Variants in ANKRD28 observed in about 807,000 individuals in gnomAD.
ANKRD28 encodes serine/threonine-protein phosphatase 6 regulatory ankyrin repeat subunit A.
ANKRD28 carries 44 observed loss-of-function variants against 126.5 expected under a neutral mutation model. The observed-to-expected ratio is 0.35, with a 90% CI of 0.27 to 0.45. The LOEUF (loss-of-function observed/expected upper bound fraction) is 0.45, where lower values mean the gene tolerates loss of function less well. Among genes scored for constraint, ANKRD28 ranks in the 20% least tolerant of loss-of-function variants. The probability of loss-of-function intolerance (pLI) is 1.00; values close to 1 mark genes in which losing one functional copy is unlikely to be tolerated. For synonymous variants in ANKRD28, 442 were observed against 468.5 expected (o/e 0.94, Z 0.73); for missense variants, 1,110 against 1,316.6 (o/e 0.84, Z 2.43).
rs1249947103 is a variant in ANKRD28, at chr3:15,797,951, T to G, written c.-1430A>C. The G allele has an allele frequency of 4.1e-6, 4 of 985,184 alleles. No individual in the cohort carries two copies. The highest frequency in any genetic ancestry group is 4.8e-6 in the Non-Finnish European group (4 of 829,894). 61.0% of individuals were successfully genotyped at this position (985,184 alleles called of 1,614,324 possible). A position where few individuals can be genotyped will look rare whatever the true frequency, so the allele number is the denominator to read the frequency against. Reference sequence around the variant, plus strand: ...ACCCACAGGATGAAATGCCTAGTAATGCTCACATGTTACACTTACCAGAGA... The same window carrying G: ...ACCCACAGGATGAAATGCCTAGTAAGGCTCACATGTTACACTTACCAGAGA... On this transcript the variant is annotated 5_prime_UTR_variant, in exon 1 of 28. Coordinates refer to ENST00000683139, the MANE Select transcript of ANKRD28 (RefSeq NM_001349278.2).
chr3:15,723,434 T>C (rs765610733), intron 7 of ANKRD28, among the ~76,000 whole-genome samples: 1 of 152,150 alleles, frequency 6.6e-6, no homozygotes, highest in Non-Finnish European at 1.5e-5. Context: ...AACCAATGAG[T>C]TCTTCAAAAT....
At chr3:15,690,527 A>G (rs2068649402) in intron 17 of ANKRD28, among the ~76,000 whole-genome samples, 1 of 152,176 alleles carries the variant, frequency 6.6e-6, no homozygotes. Flanking sequence ...GGATTCATTT[A>G]AAGTCTTGAT....
chr3:15,724,386 A>C lies in ANKRD28; in HGVS notation c.779T>G (p.Val260Gly). 6.2e-7 allele frequency: 1 copy of C among 1,604,006 alleles called. No homozygotes were observed. The highest frequency in any genetic ancestry group is 1.7e-4 in the Middle Eastern group (1 of 6,042). ...SVVKYLLDLG[V>G]DMNEPNAYGN... ...CTGTTCAATTAATATACCTACATCA[A>C]CTCCAAGATCTAGAAGGTACTTGAC... The change falls in exon 7 of 28, where the codon GTT (valine) becomes GGT (glycine). Residue 260 changes from valine to glycine, a missense_variant. Physicochemically the swap from Val to Gly is moderately radical, Grantham distance 109 (BLOSUM62 -3). Coordinates refer to ENST00000683139, the MANE Select transcript of ANKRD28 (RefSeq NM_001349278.2).
Position 15,792,449 on chromosome 3 carries a change from C to T in ANKRD28, c.201+2774G>A, listed in dbSNP as rs367940165. Among the ~76,000 whole-genome samples the T allele has an allele frequency of 2.3e-4, 35 of 152,160 alleles. 1 individual carries two copies. The highest frequency in any genetic ancestry group is 2.1e-3 in the East Asian group (11 of 5,174). ...TAGAATTGGAGATCATTATGTTAACCGAAATAAGGCAGGCACAGAAAAACA... is the reference window on the plus strand; with the variant it reads ...TAGAATTGGAGATCATTATGTTAACTGAAATAAGGCAGGCACAGAAAAACA... On this transcript the variant is annotated intron_variant, in intron 2 of 27. Coordinates refer to ENST00000683139, the MANE Select transcript of ANKRD28 (RefSeq NM_001349278.2).
chr3:15,754,203 C>T (rs1324943930), intron 3 of ANKRD28, among the ~76,000 whole-genome samples: 25 of 152,158 alleles, frequency 1.6e-4, no homozygotes, highest in Non-Finnish European at 1.3e-4. Context: ...TTTTAAATTG[C>T]TCACTGTTCT....
At chr3:15,716,744 G>T (rs1424174030) in intron 8 of ANKRD28, among the ~76,000 whole-genome samples, 1 of 152,126 alleles carries the variant, frequency 6.6e-6, no homozygotes, top group East Asian at 1.9e-4. Flanking sequence ...ATGAAATTTG[G>T]AAGATATAAC....
In ANKRD28 at chr3:15,670,375, C is replaced by T. The variant is rs2066218998; in HGVS notation, c.3147G>A (p.Arg1049=). ...TVSFEALPIM[R]NEPSSYCSFN... Reference sequence around the variant, plus strand: ...AACTGCAATAGGAGCTAGGTTCATTCCTCATGATGGGCAAAGCTTCAAAGC... The same window carrying T: ...AACTGCAATAGGAGCTAGGTTCATTTCTCATGATGGGCAAAGCTTCAAAGC... Residue 1049 remains arginine (R), a synonymous_variant, in exon 28 of 28, where the codon AGG becomes AGA. Transcript: ENST00000683139. The T allele has an allele frequency of 6.2e-7, 1 of 1,613,776 alleles. No individual in the cohort carries two copies. Among genetic ancestry groups the T allele is most frequent in the Admixed American group, 1.7e-5 (1 of 60,010 alleles).
Position 15,708,586 on chromosome 3 carries a change from G to C in ANKRD28, c.1407-522C>G, listed in dbSNP as rs147682804. Among the ~76,000 whole-genome samples, 620 of 152,168 alleles carry C rather than the reference G, an allele frequency of 4.1e-3. 2 individuals are homozygous for C. Among genetic ancestry groups the C allele is most frequent in the East Asian group, 0.023 (118 of 5,186 alleles). ...AGCCCTCTCTGTTATTTGTAGTATA[G>C]AATGCCTGAAGTACTAAAAATTAAT... On this transcript the variant is annotated intron_variant, in intron 13 of 27. Coordinates refer to ENST00000683139, the MANE Select transcript of ANKRD28 (RefSeq NM_001349278.2).
intron 5 of ANKRD28, among the ~76,000 whole-genome samples, chr3:15,735,732 T>A (rs1211445546): frequency 1.3e-5 from 2 of 152,206 alleles, no homozygotes; most frequent in Admixed American, 1.3e-4. Context: ...AGGATGCCAC[T>A]TTGTGCCTTG....
chr3:15,765,316 A>G (rs920223229), intron 3 of ANKRD28, among the ~76,000 whole-genome samples: 1 of 152,184 alleles, frequency 6.6e-6, no homozygotes, highest in Non-Finnish European at 1.5e-5. Flanking sequence ...AAAATAATAA[A>G]GGAGTATAAT....
upstream of ANKRD28, among the ~76,000 whole-genome samples, chr3:15,800,277 T>C (rs1193541786): frequency 6.6e-6 from 1 of 152,128 alleles, no homozygotes; most frequent in African/African-American, 2.4e-5. Flanking sequence ...TGTAGGCTAT[T>C]TTGTGGTCAA....
chr3:15,763,292 T>A (rs968283914), intron 3 of ANKRD28, among the ~76,000 whole-genome samples: 11 of 152,154 alleles, frequency 7.2e-5, no homozygotes, highest in African/African-American at 2.4e-4. Context: ...CTTCTACCCA[T>A]CCCCACCTCT....
At chr3:15,682,955 T>A (rs1350197530) in intron 21 of ANKRD28, among the ~76,000 whole-genome samples, 1 of 152,216 alleles carries the variant, frequency 6.6e-6, no homozygotes, top group East Asian at 1.9e-4. Context: ...CAACCAGGCA[T>A]GCAGTTCTTG....
intron 4 of ANKRD28, among the ~76,000 whole-genome samples, chr3:15,749,866 G>A (rs2057752915): frequency 6.6e-6 from 1 of 152,206 alleles, no homozygotes; most frequent in Non-Finnish European, 1.5e-5. Context: ...AGGTCCTTCA[G>A]CTGTGGATAC....
At chr3:15,783,830 G>A (rs1473212538) in intron 2 of ANKRD28, among the ~76,000 whole-genome samples, 1 of 151,798 alleles carries the variant, frequency 6.6e-6, no homozygotes, top group African/African-American at 2.4e-5. Context: ...CACAGATCCA[G>A]GAGAACACTA....
chr3:15,766,845 T>C (rs2058762082), intron 2 of ANKRD28, among the ~76,000 whole-genome samples: 1 of 151,134 alleles, frequency 6.6e-6, no homozygotes, highest in Non-Finnish European at 1.5e-5. Context: ...AAGATGCTTG[T>C]GCTGCTGATA....
chr3:15,823,956 T>A lies in ANKRD28; in HGVS notation c.28-28650A>T, dbSNP rs2061002615. ...TAAAAACCCACAGCTAATATCACAGTTAAGGGTGAAAAACTCAATGCTTTC... is the reference window on the plus strand; with the variant it reads ...TAAAAACCCACAGCTAATATCACAGATAAGGGTGAAAAACTCAATGCTTTC... On this transcript the variant is annotated intron_variant, in intron 1 of 27. Coordinates refer to the ANKRD28 transcript ENST00000399451. Among the ~76,000 whole-genome samples, 3 of 152,276 alleles carry A rather than the reference T, an allele frequency of 2.0e-5. No homozygotes were observed. In the South Asian group the frequency reaches 6.2e-4, roughly 32 times the overall value.
At chr3:15,798,491 T>A (rs1473096594), upstream of ANKRD28, among the ~76,000 whole-genome samples, 1 of 152,178 alleles carries the variant, frequency 6.6e-6, no homozygotes, top group Non-Finnish European at 1.5e-5. Context: ...AATCATTGAT[T>A]CATATTTTAA....
chr3:15,691,118 A>C (rs1188668760), intron 17 of ANKRD28, among the ~76,000 whole-genome samples: 1 of 151,890 alleles, frequency 6.6e-6, no homozygotes, highest in African/African-American at 2.4e-5. Context: ...TGTCAGACTG[A>C]AGTTGTCTTT....
Sources: allele counts gnomAD v4.1 joint callset (sites outside exome capture counted in the v4.1 genomes callset), GRCh38; gene constraint gnomAD v4.1.1; transcripts MANE v1.5; gene names NCBI Gene and HGNC (gene_info 2026-07-23, HGNC 2026-07-21).